ADK: variants seen among roughly 807,000 people sequenced by gnomAD.
ADK encodes the protein N6,N6-dimethyladenosine kinase.
In ADK, 24 loss-of-function variants were observed where a neutral mutation model predicts 44.7. The ratio of observed to expected loss-of-function variants is 0.54; its 90% CI spans 0.39 to 0.76. The LOEUF is 0.76. ADK is among the 30% of genes least tolerant of loss of function. The probability of loss-of-function intolerance (pLI) is 0.00; values close to 1 mark genes in which losing one functional copy is unlikely to be tolerated. For missense variants in ADK, 321 were observed against 425.1 expected, an observed-to-expected ratio of 0.76 and a Z score of 2.15; for synonymous variants, 128 against 142.6, an observed-to-expected ratio of 0.90 and a Z score of 0.73.
chr10:74,367,409 T>C (rs1451540574), intron 4 of ADK, among the ~76,000 whole-genome samples: 1 of 152,184 alleles, frequency 6.6e-6, no homozygotes, highest in Non-Finnish European at 1.5e-5. Context: ...TTTTTTAACA[T>C]GAATTTTTCT....
At chr10:74,413,939 G>A (rs185267865) in intron 6 of ADK, among the ~76,000 whole-genome samples, 1 of 152,306 alleles carries the variant, frequency 6.6e-6, no homozygotes, top group East Asian at 1.9e-4. Context: ...GGAGGCCTTA[G>A]GAGAGGTAGA....
intron 10 of ADK, among the ~76,000 whole-genome samples, chr10:74,683,038 A>C (rs1356442757): frequency 1.3e-5 from 2 of 152,244 alleles, no homozygotes; most frequent in African/African-American, 4.8e-5. Context: ...ATTGGTAGTC[A>C]ATATGAAGTC....
intron 6 of ADK, among the ~76,000 whole-genome samples, chr10:74,436,429 T>G (rs1401736532): frequency 6.6e-6 from 1 of 151,704 alleles, no homozygotes; most frequent in Non-Finnish European, 1.5e-5. Flanking sequence ...TTAAGTGGAA[T>G]TGAATCATCA....
intron 10 of ADK, among the ~76,000 whole-genome samples, chr10:74,700,865 A>G (rs1032010864): frequency 2.0e-5 from 3 of 152,194 alleles, no homozygotes; most frequent in African/African-American, 7.2e-5. Context: ...TAAGGATAGA[A>G]TGTAAGAAAT....
chr10:74,631,267 A>G (rs1853409156), intron 9 of ADK, among the ~76,000 whole-genome samples: 1 of 145,900 alleles, frequency 6.9e-6, no homozygotes, highest in Non-Finnish European at 1.5e-5. Context: ...TGATATATAT[A>G]TGATTTATTT....
chr10:74,226,744 A>G (rs1388020677), intron 3 of ADK, among the ~76,000 whole-genome samples: 2 of 152,034 alleles, frequency 1.3e-5, no homozygotes, highest in African/African-American at 2.4e-5. Context: ...TGTTTTTGAA[A>G]TTCATCAGTG....
At chr10:74,196,041 C>A (rs1843136731) in intron 1 of ADK, among the ~76,000 whole-genome samples, 1 of 151,912 alleles carries the variant, frequency 6.6e-6, no homozygotes, top group Admixed American at 6.6e-5. Context: ...TGGACTCAAA[C>A]CATCTACATG....
At chr10:74,575,784 T>G (rs767455885) in intron 7 of ADK, among the ~76,000 whole-genome samples, 4 of 152,054 alleles carry the variant, frequency 2.6e-5, no homozygotes, top group Admixed American at 6.6e-5. Flanking sequence ...GAGTTGATAT[T>G]TAGGAGGATG....
chr10:74,535,580 A>ATTTT (rs748264198), intron 7 of ADK, among the ~76,000 whole-genome samples: 1 of 129,514 alleles, frequency 7.7e-6, no homozygotes, highest in South Asian at 2.5e-4. Flanking sequence ...TTTTGACCCT[A>ATTTT]TTTTTTTTTT....
chr10:74,309,066 A>G (rs1840351348), intron 3 of ADK, among the ~76,000 whole-genome samples: 1 of 152,108 alleles, frequency 6.6e-6, no homozygotes, highest in Admixed American at 6.6e-5. Context: ...TCTATGTTGA[A>G]GGGTATAATC....
chr10:74,401,293 G>A (rs144328857), intron 6 of ADK, among the ~76,000 whole-genome samples: 6 of 152,256 alleles, frequency 3.9e-5, no homozygotes, highest in Non-Finnish European at 7.4e-5. Context: ...CAGTGCTTTG[G>A]GAGGCCAAAG....
intron 7 of ADK, among the ~76,000 whole-genome samples, chr10:74,552,314 C>G (rs1258071951): frequency 6.6e-6 from 1 of 152,146 alleles, no homozygotes; most frequent in East Asian, 1.9e-4. Flanking sequence ...TAAGCCACTG[C>G]TGTCAGCACT....
At chr10:74,380,716 C>T (rs1188802155) in intron 4 of ADK, among the ~76,000 whole-genome samples, 1 of 152,070 alleles carries the variant, frequency 6.6e-6, no homozygotes, top group Non-Finnish European at 1.5e-5. Flanking sequence ...CGAGATCGTG[C>T]CACTGCACTC....
At position 74,283,688 on chromosome 10, in the gene ADK, T is replaced by C. The variant is rs568423872; in HGVS notation, c.195-30979T>C. ...TCGCTCTTGTTTTCTTTCTTTCTTT[T>C]TTTTTTTTTTTTGAGACAGAGTCTC... On this transcript the variant is annotated intron_variant, in intron 3 of 10. Coordinates refer to ENST00000539909, the MANE Select transcript of ADK (RefSeq NM_006721.4). 1.1e-4 allele frequency among the ~76,000 whole-genome samples: 16 copies of C among 146,216 alleles called. No individual in the cohort carries two copies. The South Asian group carries it at 1.8e-3, about 17-fold the overall frequency.
chr10:74,210,306 C>T (rs1176876151), intron 2 of ADK, among the ~76,000 whole-genome samples: 13 of 121,584 alleles, frequency 1.1e-4, no homozygotes, highest in South Asian at 2.6e-4. Flanking sequence ...CCAGCCTGGG[C>T]GACAGAGTGA....
chr10:74,214,997 T>A (rs150397858), intron 2 of ADK, among the ~76,000 whole-genome samples: 300 of 152,224 alleles, frequency 2.0e-3, no homozygotes, highest in African/African-American at 7.0e-3. Flanking sequence ...TTGATTTGTA[T>A]CTAGTGATTT....
At chr10:74,471,841 T>C (rs1846602573) in intron 6 of ADK, among the ~76,000 whole-genome samples, 1 of 152,232 alleles carries the variant, frequency 6.6e-6, no homozygotes, top group Non-Finnish European at 1.5e-5. Context: ...TTAATTGTTT[T>C]ATGTTTATTT....
In ADK at chr10:74,545,141, T is replaced by C. The variant is rs551980961; in HGVS notation, c.726+19715T>C. Reference sequence around the variant, plus strand: ...TTAAGGTATTCTCTTGGAGATTTAATGTACTTAAATTTGACCACAATTTAT... The same window carrying C: ...TTAAGGTATTCTCTTGGAGATTTAACGTACTTAAATTTGACCACAATTTAT... On this transcript the variant is annotated intron_variant, in intron 7 of 10. Transcript: ENST00000539909. Among the ~76,000 whole-genome samples, 12 of 152,322 alleles carry C rather than the reference T, an allele frequency of 7.9e-5. No homozygotes were observed. The South Asian group carries it at 2.5e-3, about 32-fold the overall frequency.
intron 9 of ADK, among the ~76,000 whole-genome samples, chr10:74,621,050 A>G (rs1416132296): frequency 6.6e-6 from 1 of 151,920 alleles, no homozygotes; most frequent in African/African-American, 2.4e-5. Context: ...TTCCTTTGCT[A>G]TACAGAAGCT....
Sources: gnomAD v4.1 joint callset for allele counts (sites outside exome capture counted in the v4.1 genomes callset) on GRCh38, gnomAD v4.1.1 for gene constraint, MANE v1.5 for transcripts, NCBI Gene and HGNC (gene_info 2026-07-23, HGNC 2026-07-21) for gene names.